MAGI1: variants seen among roughly 807,000 people sequenced by gnomAD.
MAGI1 encodes membrane-associated guanylate kinase, WW and PDZ domain-containing protein 1.
MAGI1 carries 58 observed loss-of-function variants against 139.9 expected under a neutral mutation model. The observed-to-expected ratio is 0.41, with a 90% CI of 0.34 to 0.52. The LOEUF is 0.52. Among genes scored for constraint, MAGI1 ranks in the 20% least tolerant of loss-of-function variants. The probability of loss-of-function intolerance (pLI) is 0.12; values close to 1 mark genes in which losing one functional copy is unlikely to be tolerated. For missense variants in MAGI1, 1,874 were observed against 1,901.6 expected, an observed-to-expected ratio of 0.99 and a Z score of 0.27; for synonymous variants, 812 against 737.9, an observed-to-expected ratio of 1.10 and a Z score of -1.63.
At chr3:65,862,061 A>G (rs531999733) in intron 1 of MAGI1, among the ~76,000 whole-genome samples, 1 of 152,162 alleles carries the variant, frequency 6.6e-6, no homozygotes, top group African/African-American at 2.4e-5. Flanking sequence ...TCTTTGCACT[A>G]TGTCTAATGA....
Position 65,448,026 on chromosome 3 carries a change from T to G in MAGI1, c.1074A>C (p.Glu358Asp). 1 of 1,614,056 alleles carries G rather than the reference T, an allele frequency of 6.2e-7. No individual in the cohort carries two copies. The highest frequency in any genetic ancestry group is 2.2e-5 in the East Asian group (1 of 44,862). Reference protein sequence around the residue: ...EGVHTEELDSELELPAGWEKI... With the variant: ...EGVHTEELDSDLELPAGWEKI... ...CAGCAGGCAGGGAGGGTTTACCTAG[T>G]TCACTGTCCAGCTCCTCGGTGTGTA... Residue 358 changes from glutamate to aspartate, a missense_variant, in exon 7 of 23, where the codon GAA (glutamate) becomes GAC (aspartate). Physicochemically the swap from Glu to Asp is conservative, Grantham distance 45. Coordinates refer to ENST00000402939, the MANE Select transcript of MAGI1 (RefSeq NM_001033057.2).
intron 1 of MAGI1, among the ~76,000 whole-genome samples, chr3:65,751,102 G>C (rs1219722993): frequency 6.6e-6 from 1 of 152,206 alleles, no homozygotes; most frequent in Non-Finnish European, 1.5e-5. Context: ...CTGGCACTGG[G>C]AAACAGCTTG....
intron 2 of MAGI1, among the ~76,000 whole-genome samples, chr3:65,611,615 C>T (rs549329332): frequency 1.7e-5 from 2 of 117,760 alleles, no homozygotes; most frequent in South Asian, 2.5e-4. Context: ...ATATACTATA[C>T]TAGTATATAC....
intron 1 of MAGI1, among the ~76,000 whole-genome samples, chr3:65,978,431 T>C (rs1446488524): frequency 6.6e-6 from 1 of 152,050 alleles, no homozygotes; most frequent in African/African-American, 2.4e-5. Flanking sequence ...GAGCCTAGAA[T>C]GCTTGGAAGA....
intron 1 of MAGI1, among the ~76,000 whole-genome samples, chr3:65,928,971 T>C (rs149257552): frequency 6.2e-4 from 94 of 152,196 alleles, no homozygotes; most frequent in Non-Finnish European, 1.1e-3. Flanking sequence ...GAGGCTATCA[T>C]TGATGCTTTC....
At chr3:65,527,058 T>C (rs1435197577) in intron 2 of MAGI1, among the ~76,000 whole-genome samples, 1 of 152,232 alleles carries the variant, frequency 6.6e-6, no homozygotes, top group East Asian at 1.9e-4. Context: ...TTCACGTATC[T>C]TCTCTTCTTC....
chr3:65,595,882 A>G (rs1016161354), intron 2 of MAGI1, among the ~76,000 whole-genome samples: 8 of 152,138 alleles, frequency 5.3e-5, no homozygotes, highest in Non-Finnish European at 8.8e-5. Context: ...CCTCTGCCCC[A>G]TCCCCTTTCC....
chr3:65,667,318 G>A (rs145209729), intron 1 of MAGI1, among the ~76,000 whole-genome samples: 243 of 152,224 alleles, frequency 1.6e-3, no homozygotes, highest in African/African-American at 5.3e-3. Context: ...TAGCATGAAC[G>A]AATATAATAC....
chr3:65,847,087 T>G (rs1047743814), intron 1 of MAGI1, among the ~76,000 whole-genome samples: 9 of 151,684 alleles, frequency 5.9e-5, no homozygotes, highest in Non-Finnish European at 1.3e-4. Context: ...ATGAAAACAC[T>G]GCCAACATAA....
chr3:65,427,421 G>A (rs548844499), intron 12 of MAGI1, among the ~76,000 whole-genome samples: 1 of 152,156 alleles, frequency 6.6e-6, no homozygotes, highest in African/African-American at 2.4e-5. Context: ...AAGTTAGTTG[G>A]CTATAATGAA....
At chr3:65,446,472 T>C (rs1227644138) in intron 7 of MAGI1, among the ~76,000 whole-genome samples, 2 of 152,196 alleles carry the variant, frequency 1.3e-5, no homozygotes, top group East Asian at 1.9e-4. Context: ...CACAGTTACA[T>C]GTGGGTAAAA....
intron 1 of MAGI1, among the ~76,000 whole-genome samples, chr3:65,769,092 A>C (rs2037738231): frequency 6.6e-6 from 1 of 152,220 alleles, no homozygotes; most frequent in Non-Finnish European, 1.5e-5. Flanking sequence ...AAAAATTGCA[A>C]AATTTGAACT....
intron 2 of MAGI1, among the ~76,000 whole-genome samples, chr3:65,541,398 G>A (rs999461239): frequency 1.3e-5 from 2 of 152,184 alleles, no homozygotes; most frequent in South Asian, 2.1e-4. Flanking sequence ...AGAAAAAGAG[G>A]GACTCCTCCC....
chr3:65,845,871 A>G (rs746865322), intron 1 of MAGI1, among the ~76,000 whole-genome samples: 5 of 152,212 alleles, frequency 3.3e-5, no homozygotes, highest in Admixed American at 6.5e-5. Context: ...GATGCCAGCC[A>G]ATAGTTTGCT....
At chr3:65,602,772 T>C (rs531764651) in intron 2 of MAGI1, among the ~76,000 whole-genome samples, 11 of 152,002 alleles carry the variant, frequency 7.2e-5, no homozygotes, top group East Asian at 1.9e-4. Flanking sequence ...CTGGACACTA[T>C]TGGCAATAAG....
rs928128758 is a variant in MAGI1, at chr3:65,407,174, C to T, written c.2168-5704G>A. Among the ~76,000 whole-genome samples the T allele has an allele frequency of 4.6e-5, 7 of 152,062 alleles. No individual in the cohort carries two copies. In the South Asian group the frequency reaches 6.2e-4, roughly 14 times the overall value. ...ATAAAAAATGGAAACAGGCAGGGCG[C>T]GGAGGCTCATTCCTGTAATCCCAGC... On this transcript the variant is annotated intron_variant, in intron 12 of 22. Coordinates refer to ENST00000402939, the MANE Select transcript of MAGI1 (RefSeq NM_001033057.2).
At chr3:66,014,281 C>T (rs1378366001) in intron 1 of MAGI1, among the ~76,000 whole-genome samples, 1 of 152,212 alleles carries the variant, frequency 6.6e-6, no homozygotes, top group African/African-American at 2.4e-5. Context: ...CCACAGGGAA[C>T]ATATCCTTGT....
At position 65,621,917 on chromosome 3, in the gene MAGI1, T is replaced by TCACACACACACACACACA. The variant is rs56026417; in HGVS notation, c.430+37_430+54dup. ...AGATCTCCTTTCTCCCCTGGACTTT[T>TCACACACACACACACACA]CACACACACACACACACACACACAG... On this transcript the variant is annotated intron_variant, in intron 2 of 22. Transcript: ENST00000402939. 3.0e-3 allele frequency: 2,941 copies of TCACACACACACACACACA among 986,510 alleles called. 20 individuals are homozygous for TCACACACACACACACACA. The highest frequency in any genetic ancestry group is 0.025 in the African/African-American group (1,503 of 61,124). 61.1% of individuals were successfully genotyped at this position (986,510 alleles called of 1,614,324 possible).
chr3:65,359,860 T>G (rs1559882603), intron 22 of MAGI1: 1 of 985,384 alleles, frequency 1.0e-6, no homozygotes, highest in Non-Finnish European at 1.2e-6. Context: ...ACGATGACTC[T>G]CAAATGAAAT....
Sources: allele counts gnomAD v4.1 joint callset (sites outside exome capture counted in the v4.1 genomes callset), GRCh38; gene constraint gnomAD v4.1.1; transcripts MANE v1.5; gene names NCBI Gene and HGNC (gene_info 2026-07-23, HGNC 2026-07-21).